The following TNFRSF19 variants were observed in gnomAD, a reference collection of about 807,000 sequenced individuals.
The protein encoded by TNFRSF19 is tumor necrosis factor receptor superfamily member 19.
TNFRSF19 carries 27 observed loss-of-function variants against 46.4 expected under a neutral mutation model. The ratio of observed to expected loss-of-function variants is 0.58; its 90% CI spans 0.43 to 0.80. The LOEUF is 0.80. TNFRSF19 is among the 30% of genes least tolerant of loss of function. The pLI is 0.00. For missense variants in TNFRSF19, 511 were observed against 530.8 expected, an observed-to-expected ratio of 0.96 and a Z score of 0.37; for synonymous variants, 204 against 205.0, an observed-to-expected ratio of 1.00 and a Z score of 0.04.
At chr13:23,624,658 A>C (rs1881871566) in intron 4 of TNFRSF19, among the ~76,000 whole-genome samples, 1 of 152,194 alleles carries the variant, frequency 6.6e-6, no homozygotes, top group African/African-American at 2.4e-5. Context: ...AAAAAAGAAA[A>C]TCACTTGAAT....
At chr13:23,628,562 A>G (rs1029698222) in intron 5 of TNFRSF19, among the ~76,000 whole-genome samples, 1 of 152,134 alleles carries the variant, frequency 6.6e-6, no homozygotes, top group Non-Finnish European at 1.5e-5. Flanking sequence ...GTTTTTTCCC[A>G]TTAATTTATT....
intron 5 of TNFRSF19, among the ~76,000 whole-genome samples, chr13:23,639,650 C>A (rs1882911158): frequency 6.6e-6 from 1 of 152,192 alleles, no homozygotes; most frequent in African/African-American, 2.4e-5. Context: ...CCAGCCAGTA[C>A]CACCTGGCAC....
chr13:23,574,152 T>C (rs1019011502), intron 1 of TNFRSF19, among the ~76,000 whole-genome samples: 3 of 151,782 alleles, frequency 2.0e-5, no homozygotes, highest in Non-Finnish European at 4.4e-5. Context: ...AATACAGGAC[T>C]CTCATGGCCA....
At chr13:23,626,493 T>G (rs1882021016) in intron 4 of TNFRSF19, among the ~76,000 whole-genome samples, 1 of 151,922 alleles carries the variant, frequency 6.6e-6, no homozygotes, top group Admixed American at 6.6e-5. Context: ...AGAAGTGCAC[T>G]GAGAAGCATC....
intron 3 of TNFRSF19, among the ~76,000 whole-genome samples, chr13:23,604,512 A>G (rs1427093117): frequency 6.6e-6 from 1 of 152,156 alleles, no homozygotes; most frequent in Non-Finnish European, 1.5e-5. Context: ...CTGATTCTAA[A>G]GTTTATATGT....
At chr13:23,665,229 A>G (rs1951605967) in intron 7 of TNFRSF19, among the ~76,000 whole-genome samples, 1 of 152,226 alleles carries the variant, frequency 6.6e-6, no homozygotes, top group Non-Finnish European at 1.5e-5. Flanking sequence ...GAGTCAGAGT[A>G]AGTAGGAATA....
At chr13:23,593,486 C>G in intron 3 of TNFRSF19, 31 bp downstream of exon 3, 1 of 1,440,824 alleles carries the variant, frequency 6.9e-7, no homozygotes, top group Non-Finnish European at 9.6e-7. Flanking sequence ...AGTTGTGTAT[C>G]TGTGTTTGTA....
chr13:23,609,695 C>T (rs980976181), intron 3 of TNFRSF19, among the ~76,000 whole-genome samples: 2 of 152,168 alleles, frequency 1.3e-5, no homozygotes, highest in South Asian at 2.1e-4. Context: ...TACTTTCCTC[C>T]GCACGGGGCA....
intron 7 of TNFRSF19, among the ~76,000 whole-genome samples, chr13:23,662,843 T>TAATGA (rs1884455032): frequency 6.6e-6 from 1 of 152,236 alleles, no homozygotes; most frequent in Admixed American, 6.5e-5. Context: ...AGAAGAATAC[T>TAATGA]AATGATTTTT....
intron 5 of TNFRSF19, among the ~76,000 whole-genome samples, chr13:23,647,840 C>G (rs1482810108): frequency 6.6e-6 from 1 of 152,106 alleles, no homozygotes; most frequent in African/African-American, 2.4e-5. Context: ...AGAGGCTTCC[C>G]TTTCCCCATT....
chr13:23,588,810 C>T (rs1879037235), intron 1 of TNFRSF19, among the ~76,000 whole-genome samples: 1 of 152,138 alleles, frequency 6.6e-6, no homozygotes, highest in South Asian at 2.1e-4. Context: ...AAAGTTATGA[C>T]CAAGTAGCTG....
intron 1 of TNFRSF19, among the ~76,000 whole-genome samples, chr13:23,580,760 G>C (rs1208027229): frequency 4.6e-5 from 7 of 152,224 alleles, no homozygotes; most frequent in African/African-American, 1.7e-4. Context: ...TTATCAAATT[G>C]TTCTGAAAGT....
chr13:23,582,224 CAAAAAAAAAAA>C (rs746493689), intron 1 of TNFRSF19, among the ~76,000 whole-genome samples: 58 of 98,064 alleles, frequency 5.9e-4, no homozygotes, highest in African/African-American at 1.1e-3. Context: ...ACTACAAATA[CAAAAAAAAAAA>C]AAAAAAAAAA....
intron 5 of TNFRSF19, among the ~76,000 whole-genome samples, chr13:23,652,637 T>A (rs1045496397): frequency 6.6e-6 from 1 of 151,912 alleles, no homozygotes; most frequent in African/African-American, 2.4e-5. Context: ...AAAAACTAAG[T>A]GCATGCAAAC....
At chr13:23,580,883 C>T (rs1398484907) in intron 1 of TNFRSF19, among the ~76,000 whole-genome samples, 1 of 152,202 alleles carries the variant, frequency 6.6e-6, no homozygotes, top group African/African-American at 2.4e-5. Flanking sequence ...AATGTCTTAC[C>T]ATATCTACTT....
intron 3 of TNFRSF19, among the ~76,000 whole-genome samples, chr13:23,613,577 G>A (rs1187573630): frequency 4.6e-5 from 7 of 151,826 alleles, no homozygotes; most frequent in East Asian, 1.9e-4. Context: ...GTTTTAACTC[G>A]TACATGAGAC....
chr13:23,666,546 C>G (rs1157875203), intron 7 of TNFRSF19, among the ~76,000 whole-genome samples: 1 of 152,240 alleles, frequency 6.6e-6, no homozygotes, highest in East Asian at 1.9e-4. Context: ...CAGGCTGGCT[C>G]ATGTGCCATT....
At chr13:23,614,212 C>T (rs1400962886) in intron 3 of TNFRSF19, among the ~76,000 whole-genome samples, 1 of 152,008 alleles carries the variant, frequency 6.6e-6, no homozygotes, top group Non-Finnish European at 1.5e-5. Flanking sequence ...TGCACACTCC[C>T]GATGTACGTT....
At chr13:23,668,260 C>T (rs1213413736) in intron 8 of TNFRSF19, among the ~76,000 whole-genome samples, 178 bp downstream of exon 8, 2 of 152,176 alleles carry the variant, frequency 1.3e-5, no homozygotes, top group African/African-American at 2.4e-5. Context: ...CAAGGTCACT[C>T]ATATCCAGTG....
Sources: gnomAD v4.1 joint callset for allele counts (sites outside exome capture counted in the v4.1 genomes callset) on GRCh38, gnomAD v4.1.1 for gene constraint, MANE v1.5 for transcripts, NCBI Gene and HGNC (gene_info 2026-07-23, HGNC 2026-07-21) for gene names.